DCHS2: variants seen among roughly 807,000 people sequenced by gnomAD.
The protein encoded by DCHS2 is protocadherin-23.
DCHS2 carries 142 observed loss-of-function variants against 182.4 expected under a neutral mutation model. That is an observed-to-expected ratio of 0.78 (90% CI 0.68 to 0.89). The LOEUF (loss-of-function observed/expected upper bound fraction) is 0.89. Ranked by LOEUF, DCHS2 falls within the 40% of genes least tolerant of loss-of-function variation. The pLI is 0.00. For synonymous variants in DCHS2, 1,740 were observed against 1,663.3 expected, an observed-to-expected ratio of 1.05 and a Z score of -1.12; for missense variants, 4,319 against 4,198.6, an observed-to-expected ratio of 1.03 and a Z score of -0.79.
At position 154,489,575 on chromosome 4, in the gene DCHS2, G is replaced by A. The variant is rs549071749; in HGVS notation, c.1781C>T (p.Ser594Leu). 284 of 1,550,928 alleles carry A rather than the reference G, an allele frequency of 1.8e-4. No individual in the cohort carries two copies. In the African/African-American group the frequency reaches 3.5e-3, roughly 19 times the overall value. ...ACACTCTGCGGTGTGGACCATCTTT[G>A]ATTGCAGGGAGCCGAGATTGCAGGG... is the stretch of plus-strand genomic sequence containing the variant. ...SAPCNLGSLQ[S>L]KMVHTAECGP... The change falls in exon 1 of 20, where the codon TCA becomes TTA. Residue 594 changes from serine (S) to leucine (L), a missense_variant. Transcript: ENST00000357232.
intron 1 of DCHS2, among the ~76,000 whole-genome samples, chr4:154,412,093 T>G (rs1020887817): frequency 6.6e-6 from 1 of 152,148 alleles, no homozygotes; most frequent in Admixed American, 6.5e-5. Flanking sequence ...ATGAAATAAA[T>G]TTGATTTGGT....
chr4:154,490,630 G>A lies in DCHS2; in HGVS notation c.726C>T (p.Pro242=), dbSNP rs1419607892. The A allele has an allele frequency of 1.3e-6, 2 of 1,550,638 alleles. No individual in the cohort carries two copies. Among genetic ancestry groups the A allele is most frequent in the Non-Finnish European group, 1.7e-6 (2 of 1,146,886 alleles). ...GCAGCACCAGATCTAGAGGCTCCAG[G>A]GGTGACGAGGAGCCTGGCAAAAGCG... ...PSPLLPGSSS[P]LEPLDLVLLR... is the part of the protein sequence containing the mutation. Residue 242 remains proline (P), a synonymous_variant, in exon 1 of 20, where the codon CCC becomes CCT. Transcript: ENST00000357232.
At chr4:154,443,346 G>A (rs1734116688) in intron 1 of DCHS2, among the ~76,000 whole-genome samples, 1 of 152,076 alleles carries the variant, frequency 6.6e-6, no homozygotes, top group Non-Finnish European at 1.5e-5. Context: ...ACCACTCAAG[G>A]CTGTGGTAAA....
chr4:154,254,614 A>G (rs1004985010), intron 16 of DCHS2, among the ~76,000 whole-genome samples: 2 of 152,206 alleles, frequency 1.3e-5, no homozygotes, highest in African/African-American at 4.8e-5. Flanking sequence ...AGGCAGGTGG[A>G]TCACTAGAGG....
rs1262654094 is a variant in DCHS2, at chr4:154,442,541, C to CA, written c.2052+46762_2052+46763insT. On this transcript the variant is annotated intron_variant, in intron 1 of 19. Transcript: ENST00000357232. ...CTGAAAAGTGGACACCCCCCCCCCC[C>CA]CACACACACACACACACACACCAGG... Among the ~76,000 whole-genome samples the CA allele has an allele frequency of 2.3e-3, 114 of 50,306 alleles. 1 individual carries two copies. The highest frequency in any genetic ancestry group is 6.3e-3 in the African/African-American group (98 of 15,606). The allele number at this position is 50,306 out of a possible 152,430, so 33.0% of individuals were successfully genotyped here. A position where few individuals can be genotyped will look rare whatever the true frequency, so the allele number is the denominator to read the frequency against.
intron 13 of DCHS2, among the ~76,000 whole-genome samples, chr4:154,288,047 CA>C (rs1734487269): frequency 6.6e-6 from 1 of 151,960 alleles, no homozygotes; most frequent in African/African-American, 2.4e-5. Context: ...AAACAAATAA[CA>C]AAATGGCAGG....
rs1172631144 is a variant in DCHS2 at position 154,491,365 on chromosome 4, A to C, written c.-10T>G. ...GCCCACAAGGGCTCATTTCTCCTCC[A>C]GCTCCTTGGGAAGGCTCTCGGGTAA... is the stretch of plus-strand genomic sequence containing the variant. On this transcript the variant is annotated 5_prime_UTR_variant, in exon 1 of 20. Coordinates refer to ENST00000357232, the MANE Select transcript of DCHS2 (RefSeq NM_001358235.2). The C allele has an allele frequency of 2.1e-5, 31 of 1,505,416 alleles. No individual in the cohort carries two copies. The highest frequency in any genetic ancestry group is 3.9e-4 in the Middle Eastern group (2 of 5,132). 93.3% of individuals were successfully genotyped at this position (1,505,416 alleles called of 1,614,324 possible).
At chr4:154,408,878 C>T (rs1283522707) in intron 1 of DCHS2, among the ~76,000 whole-genome samples, 3 of 152,174 alleles carry the variant, frequency 2.0e-5, no homozygotes, top group South Asian at 2.1e-4. Flanking sequence ...ACAGACCTCA[C>T]CACTGGGAAC....
intron 1 of DCHS2, among the ~76,000 whole-genome samples, chr4:154,447,446 T>C (rs548112902): frequency 6.6e-6 from 1 of 152,316 alleles, no homozygotes; most frequent in African/African-American, 2.4e-5. Flanking sequence ...GTCTCTGTAT[T>C]CATTATTCCT....
chr4:154,361,737 A>G (rs536070814), intron 3 of DCHS2, among the ~76,000 whole-genome samples: 4 of 152,276 alleles, frequency 2.6e-5, no homozygotes, highest in African/African-American at 7.2e-5. Flanking sequence ...AACAACCATG[A>G]CATCGCCACA....
At chr4:154,247,393 A>T (rs72968826) in intron 16 of DCHS2, among the ~76,000 whole-genome samples, 1,562 of 148,266 alleles carry the variant, frequency 0.011, 20 homozygotes, top group South Asian at 0.033. Context: ...TAGGAAAGTC[A>T]CTTGAACCAG....
intron 3 of DCHS2, among the ~76,000 whole-genome samples, chr4:154,354,020 G>T (rs777233662): frequency 5.3e-5 from 8 of 152,082 alleles, no homozygotes; most frequent in Non-Finnish European, 1.0e-4. Flanking sequence ...TCCGCGTCCT[G>T]GGCTCAAGCA....
At position 154,234,241 on chromosome 4, in the gene DCHS2, C is replaced by T. The variant is rs562400470; in HGVS notation, c.*295G>A. 3.7e-6 allele frequency: 1 copy of T among 267,512 alleles called. No individual in the cohort carries two copies. Among genetic ancestry groups the T allele is most frequent in the East Asian group, 7.6e-5 (1 of 13,120 alleles). The allele number at this position is 267,512 out of a possible 1,614,324, so 16.6% of individuals were successfully genotyped here. On this transcript the variant is annotated 3_prime_UTR_variant, in exon 20 of 20. Transcript: ENST00000357232. The stretch of plus-strand genomic sequence containing the variant: ...ACATTCTGGCAGTCAGTTAAGTTCA[C>T]TGTGTCCTTTGGAAGTCTAATCATA...
At chr4:154,368,481 C>A (rs1434232780) in intron 2 of DCHS2, among the ~76,000 whole-genome samples, 1 of 150,370 alleles carries the variant, frequency 6.7e-6, no homozygotes. Flanking sequence ...AAAAAATAAG[C>A]AAATGTTAGA....
chr4:154,312,363 G>A (rs1240992213), intron 10 of DCHS2, among the ~76,000 whole-genome samples: 3 of 152,078 alleles, frequency 2.0e-5, no homozygotes, highest in African/African-American at 7.2e-5. Flanking sequence ...AAAGAATGAC[G>A]GGGCACGTCA....
intron 1 of DCHS2, among the ~76,000 whole-genome samples, chr4:154,458,751 C>G (rs1159101250): frequency 1.2e-4 from 19 of 152,134 alleles, no homozygotes; most frequent in Non-Finnish European, 1.6e-4. Context: ...ATGGAATTCT[C>G]TGTTTTCAAG....
chr4:154,283,126 T>C (rs1487342821), intron 13 of DCHS2, among the ~76,000 whole-genome samples: 2 of 152,170 alleles, frequency 1.3e-5, no homozygotes, highest in African/African-American at 4.8e-5. Flanking sequence ...AACACTGTCG[T>C]AGACTTAGAA....
chr4:154,462,899 C>T (rs1156409287), intron 1 of DCHS2, among the ~76,000 whole-genome samples: 1 of 151,894 alleles, frequency 6.6e-6, no homozygotes, highest in Admixed American at 6.6e-5. Flanking sequence ...TAAGATTGCA[C>T]AACTAATATG....
At chr4:154,384,535 T>A in intron 1 of DCHS2, 1 of 1,545,444 alleles carries the variant, frequency 6.5e-7, no homozygotes, top group Non-Finnish European at 8.7e-7. Flanking sequence ...CCAGAACCTA[T>A]GACTATTCTC....
Sources: gnomAD v4.1 joint callset for allele counts (sites outside exome capture counted in the v4.1 genomes callset) on GRCh38, gnomAD v4.1.1 for gene constraint, MANE v1.5 for transcripts, NCBI Gene and HGNC (gene_info 2026-07-23, HGNC 2026-07-21) for gene names.